Variants in VPS33A observed in about 807,000 individuals in gnomAD.
The protein encoded by VPS33A is vacuolar protein sorting-associated protein 33A.
A neutral mutation model predicts 71.8 loss-of-function variants in VPS33A; 32 were observed. The ratio of observed to expected loss-of-function variants is 0.45; its 90% CI spans 0.34 to 0.60. The LOEUF is 0.60. Among genes scored for constraint, VPS33A ranks in the 20% least tolerant of loss-of-function variants. VPS33A has a pLI of 0.02. For synonymous variants in VPS33A, 311 were observed against 292.7 expected (o/e 1.06, Z -0.64); for missense variants, 625 against 748.5 (o/e 0.84, Z 1.92).
chr12:122,235,644 A>C (rs958925475), intron 11 of VPS33A, 142 bp downstream of exon 11: 44 of 1,081,094 alleles, frequency 4.1e-5, no homozygotes, highest in Non-Finnish European at 4.6e-5. Flanking sequence ...TGGATACAAT[A>C]CATGCATACA....
chr12:122,260,497 C>T (rs1954978895), intron 4 of VPS33A, among the ~76,000 whole-genome samples: 1 of 151,890 alleles, frequency 6.6e-6, no homozygotes, highest in African/African-American at 2.4e-5. Flanking sequence ...CGGGGTTTCC[C>T]CATGTTTCCC....
intron 3 of VPS33A, 73 bp downstream of exon 3, chr12:122,263,499 T>C (rs1955026012): frequency 1.4e-6 from 2 of 1,480,218 alleles, no homozygotes; most frequent in African/African-American, 1.4e-5. Flanking sequence ...GGGTCTTCCA[T>C]GAGAAGGAGC....
chr12:122,248,230 C>A, intron 6 of VPS33A: 1 of 152,452 alleles, frequency 6.6e-6, no homozygotes. Context: ...CTTACACATC[C>A]CTCTCCTCAG....
At position 122,231,009 on chromosome 12, in the gene VPS33A, G is replaced by C. The variant is rs1954553361; in HGVS notation, c.*1237C>G. On this transcript the variant is annotated 3_prime_UTR_variant, in exon 13 of 13. Transcript: ENST00000267199. Reference sequence around the variant, plus strand: ...AGTACGGAGTGGCCACAGACTGCTAGAAAAGTACACGTGGCAGTTACCATG... The same window carrying C: ...AGTACGGAGTGGCCACAGACTGCTACAAAAGTACACGTGGCAGTTACCATG... The C allele has an allele frequency of 6.6e-6, 1 of 152,256 alleles. No individual in the cohort carries two copies. The highest frequency in any genetic ancestry group is 6.5e-5 in the Admixed American group (1 of 15,272). The allele number at this position is 152,256 out of a possible 1,614,324, so 9.4% of individuals were successfully genotyped here. A position where few individuals can be genotyped will look rare whatever the true frequency, so the allele number is the denominator to read the frequency against.
intron 8 of VPS33A, among the ~76,000 whole-genome samples, chr12:122,241,399 G>A (rs1027563524): frequency 6.6e-5 from 10 of 151,808 alleles, no homozygotes; most frequent in African/African-American, 2.4e-4. Flanking sequence ...TCTGCCTCCC[G>A]GTTCAAGCAA....
chr12:122,263,466 C>A, intron 3 of VPS33A, 106 bp downstream of exon 3: 2 of 1,355,002 alleles, frequency 1.5e-6, no homozygotes, highest in South Asian at 1.9e-5. Flanking sequence ...TTCCAAAAGA[C>A]CACCTTGCAC....
intron 4 of VPS33A, among the ~76,000 whole-genome samples, chr12:122,254,005 A>AT (rs1018828023): frequency 6.6e-6 from 1 of 151,960 alleles, no homozygotes; most frequent in Non-Finnish European, 1.5e-5. Context: ...TTAAATGCGC[A>AT]TTTTTTTAAC....
intron 11 of VPS33A, among the ~76,000 whole-genome samples, chr12:122,235,106 A>G (rs1055147920): frequency 6.6e-6 from 1 of 151,664 alleles, no homozygotes; most frequent in Non-Finnish European, 1.5e-5. Context: ...AGCCCCTCGG[A>G]CTAAAGGCTC....
intron 11 of VPS33A, 113 bp from the exon 12 acceptor site, chr12:122,233,081 C>G (rs540596538): frequency 3.7e-5 from 44 of 1,185,148 alleles, no homozygotes; most frequent in Non-Finnish European, 4.9e-5. Flanking sequence ...GATATACAAC[C>G]CCCACCCCTG....
intron 3 of VPS33A, among the ~76,000 whole-genome samples, chr12:122,262,940 A>G (rs1955016655): frequency 6.6e-6 from 1 of 151,760 alleles, no homozygotes; most frequent in Non-Finnish European, 1.5e-5. Context: ...ATGGGGGGAC[A>G]CATCCTCTCA....
chr12:122,263,486 T>A (rs557877054), intron 3 of VPS33A, 86 bp downstream of exon 3: 1 of 1,452,268 alleles, frequency 6.9e-7, no homozygotes, highest in Non-Finnish European at 9.2e-7. Flanking sequence ...CTGGCAAGAG[T>A]GAGGGTCTTC....
intron 8 of VPS33A, 75 bp from the exon 9 acceptor site, chr12:122,240,020 G>C: frequency 8.6e-7 from 1 of 1,159,784 alleles, no homozygotes; most frequent in Non-Finnish European, 1.3e-6. Flanking sequence ...TTTATACACA[G>C]AGCACGATTC....
chr12:122,232,741 A>G, intron 12 of VPS33A, 59 bp downstream of exon 12: 1 of 1,554,048 alleles, frequency 6.4e-7, no homozygotes, highest in Middle Eastern at 1.7e-4. Flanking sequence ...CAACTGTACA[A>G]TACCTGAAAA....
In VPS33A at chr12:122,263,659, C is replaced by T. The variant is rs767876880; in HGVS notation, c.209G>A (p.Arg70His). 2.3e-5 allele frequency: 37 copies of T among 1,613,004 alleles called. No individual in the cohort carries two copies. Among genetic ancestry groups the T allele is most frequent in the Non-Finnish European group, 2.7e-5 (32 of 1,179,314 alleles). Residue 70 changes from arginine (R) to histidine (H), a missense_variant, in exon 3 of 13, where the codon CGT becomes CAT. Physicochemically the swap from Arg to His is conservative, Grantham distance 29 (BLOSUM62 0). Coordinates refer to ENST00000267199, the MANE Select transcript of VPS33A (RefSeq NM_022916.6). ...VEKMFTLKGN[R>H]LPAADVKNII... Reference sequence around the variant, plus strand: ...ATTCTTCACATCAGCTGCCGGCAAACGATTTCCTTTAAGTGTGAACATTTT... The same window carrying T: ...ATTCTTCACATCAGCTGCCGGCAAATGATTTCCTTTAAGTGTGAACATTTT...
chr12:122,237,217 T>C (rs1354652669), intron 10 of VPS33A, among the ~76,000 whole-genome samples: 2 of 152,196 alleles, frequency 1.3e-5, no homozygotes, highest in African/African-American at 4.8e-5. Flanking sequence ...AGGCTTAATT[T>C]AAGTAAACCT....
At chr12:122,256,125 T>C (rs893760858) in intron 4 of VPS33A, among the ~76,000 whole-genome samples, 14 of 152,168 alleles carry the variant, frequency 9.2e-5, no homozygotes, top group African/African-American at 3.4e-4. Context: ...AGTTTCATTT[T>C]TCCCCCTTTT....
intron 11 of VPS33A, among the ~76,000 whole-genome samples, chr12:122,233,376 C>T (rs1954589763): frequency 6.6e-6 from 1 of 152,146 alleles, no homozygotes; most frequent in South Asian, 2.1e-4. Flanking sequence ...CAGGTGTGCA[C>T]CACCACTCCT....
At chr12:122,263,376 T>C (rs1253610312) in intron 3 of VPS33A, among the ~76,000 whole-genome samples, 196 bp downstream of exon 3, 1 of 152,172 alleles carries the variant, frequency 6.6e-6, no homozygotes, top group African/African-American at 2.4e-5. Context: ...TTATTCTATT[T>C]TTTGTTGTAC....
chr12:122,232,649 C>G (rs750055482), intron 12 of VPS33A, 151 bp downstream of exon 12: 16 of 1,105,370 alleles, frequency 1.4e-5, no homozygotes, highest in Non-Finnish European at 1.8e-5. Context: ...TAATCCGATT[C>G]GAGTTCTTAC....
Sources: gnomAD v4.1 joint callset for allele counts (sites outside exome capture counted in the v4.1 genomes callset) on GRCh38, gnomAD v4.1.1 for gene constraint, MANE v1.5 for transcripts, NCBI Gene and HGNC (gene_info 2026-07-23, HGNC 2026-07-21) for gene names.